Variants in CNTN4 observed in about 807,000 individuals in gnomAD.
The protein encoded by CNTN4 is contactin 4.
CNTN4 carries 77 observed loss-of-function variants against 122.5 expected under a neutral mutation model. The ratio of observed to expected loss-of-function variants is 0.63; its 90% CI spans 0.52 to 0.76. The LOEUF is 0.76. Ranked by LOEUF, CNTN4 falls within the 30% of genes least tolerant of loss-of-function variation. CNTN4 has a pLI of 0.00. For missense variants in CNTN4, 1,256 were observed against 1,259.1 expected, an observed-to-expected ratio of 1.00 and a Z score of 0.04; for synonymous variants, 512 against 447.0, an observed-to-expected ratio of 1.15 and a Z score of -1.83.
intron 6 of CNTN4, among the ~76,000 whole-genome samples, chr3:2,794,901 G>A (rs2092123541): frequency 6.6e-6 from 1 of 152,086 alleles, no homozygotes; most frequent in Non-Finnish European, 1.5e-5. Flanking sequence ...GCCTATTAGG[G>A]GACTAATCCC....
intron 6 of CNTN4, among the ~76,000 whole-genome samples, chr3:2,816,808 A>T (rs144957352): frequency 0.29 from 35,718 of 121,640 alleles, 5,266 homozygotes; most frequent in African/African-American, 0.36. Flanking sequence ...CAACAGAGTG[A>T]GACTCTGTCT....
chr3:2,126,699 A>T (rs1477451783), intron 2 of CNTN4, among the ~76,000 whole-genome samples: 2 of 152,188 alleles, frequency 1.3e-5, no homozygotes, highest in Non-Finnish European at 2.9e-5. Flanking sequence ...GGTGAGGAGA[A>T]TATAACTTCA....
chr3:2,689,646 T>G (rs979088644), intron 4 of CNTN4, among the ~76,000 whole-genome samples: 8 of 152,092 alleles, frequency 5.3e-5, no homozygotes, highest in African/African-American at 1.9e-4. Context: ...AGGAGAGTAG[T>G]GGTTCAGAAG....
intron 2 of CNTN4, among the ~76,000 whole-genome samples, chr3:2,308,993 T>C (rs1482965582): frequency 6.6e-6 from 1 of 152,152 alleles, no homozygotes; most frequent in African/African-American, 2.4e-5. Flanking sequence ...TTTATGGTGT[T>C]AAATCTTCTG....
At chr3:3,024,384 T>TA (rs55892513) in intron 14 of CNTN4, among the ~76,000 whole-genome samples, 7,599 of 89,954 alleles carry the variant, frequency 0.084, 334 homozygotes, top group Middle Eastern at 0.13. Flanking sequence ...TTTTCCTCAT[T>TA]AAAAAAAAAA....
chr3:2,926,118 G>A (rs1233065042), intron 13 of CNTN4, among the ~76,000 whole-genome samples: 1 of 152,048 alleles, frequency 6.6e-6, no homozygotes, highest in African/African-American at 2.4e-5. Flanking sequence ...AAGTCCTTTG[G>A]TATATGTAAA....
rs572941318 is a variant in CNTN4, at chr3:2,607,032, T to A, written c.55+35474T>A. Among the ~76,000 whole-genome samples the A allele has an allele frequency of 3.3e-5, 5 of 152,270 alleles. No individual in the cohort carries two copies. In the East Asian group the frequency reaches 7.7e-4, roughly 24 times the overall value. On this transcript the variant is annotated intron_variant, in intron 4 of 24. Transcript: ENST00000418658. Reference sequence around the variant, plus strand: ...CTTCCACAGTCTCCTATCCCCAGGTTTTTAGGACACATTTAATCTTCTTTC... The same window carrying A: ...CTTCCACAGTCTCCTATCCCCAGGTATTTAGGACACATTTAATCTTCTTTC...
chr3:2,548,195 T>G (rs1575943621), intron 3 of CNTN4, among the ~76,000 whole-genome samples: 1 of 152,134 alleles, frequency 6.6e-6, no homozygotes, highest in African/African-American at 2.4e-5. Flanking sequence ...CCCATTTGTC[T>G]ATTTTGGCTT....
intron 8 of CNTN4, among the ~76,000 whole-genome samples, chr3:2,878,268 T>C (rs1291230086): frequency 1.3e-5 from 2 of 152,230 alleles, no homozygotes; most frequent in Non-Finnish European, 2.9e-5. Context: ...CAGATCATTT[T>C]AGTAAAGAAT....
At chr3:2,531,033 C>G (rs560313073) in intron 3 of CNTN4, among the ~76,000 whole-genome samples, 207 of 152,236 alleles carry the variant, frequency 1.4e-3, no homozygotes, top group African/African-American at 4.8e-3. Flanking sequence ...TATACTATCT[C>G]TACTAACAGA....
chr3:3,000,834 C>G (rs891211630), intron 14 of CNTN4, among the ~76,000 whole-genome samples: 1 of 150,566 alleles, frequency 6.6e-6, no homozygotes, highest in African/African-American at 2.4e-5. Context: ...AGGTTGAATT[C>G]TGTCACACTG....
At chr3:2,373,552 T>G (rs1284408036) in intron 3 of CNTN4, among the ~76,000 whole-genome samples, 1 of 152,234 alleles carries the variant, frequency 6.6e-6, no homozygotes, top group African/African-American at 2.4e-5. Flanking sequence ...AGTTTTTGTC[T>G]ACTCTTCACC....
chr3:3,038,870 A>C, intron 18 of CNTN4, 63 bp from the exon 19 acceptor site: 3 of 1,407,538 alleles, frequency 2.1e-6, no homozygotes, highest in Non-Finnish European at 3.0e-6. Context: ...CTGCCAGGCA[A>C]CCTTCCTGGC....
chr3:2,669,212 A>G (rs1403699111), intron 4 of CNTN4, among the ~76,000 whole-genome samples: 1 of 152,092 alleles, frequency 6.6e-6, no homozygotes, highest in African/African-American at 2.4e-5. Context: ...CTGTGAATCC[A>G]TCTGGTCCTG....
At chr3:2,194,072 C>T (rs999349584) in intron 2 of CNTN4, among the ~76,000 whole-genome samples, 1 of 152,132 alleles carries the variant, frequency 6.6e-6, no homozygotes, top group African/African-American at 2.4e-5. Context: ...AAAAAAATGT[C>T]CCTGTTTAGA....
At chr3:2,488,289 G>T (rs911131939) in intron 3 of CNTN4, among the ~76,000 whole-genome samples, 1 of 152,146 alleles carries the variant, frequency 6.6e-6, no homozygotes, top group Non-Finnish European at 1.5e-5. Context: ...ATAAGTTTGA[G>T]GGGAAAAAAT....
Position 2,962,076 on chromosome 3 carries a change from T to C in CNTN4, c.1359-26269T>C, listed in dbSNP as rs181724261. Among the ~76,000 whole-genome samples, 388 of 152,354 alleles carry C rather than the reference T, an allele frequency of 2.5e-3. 1 individual carries two copies. The highest frequency in any genetic ancestry group is 4.2e-3 in the Non-Finnish European group (287 of 68,030). On this transcript the variant is annotated intron_variant, in intron 13 of 24. Transcript: ENST00000418658. ...GATGTAATTTGAACCCCAAGACTTA[T>C]AGACTCTCTGGACCTCAAAAATTAT...
chr3:2,361,205 A>G (rs750190466), intron 3 of CNTN4, among the ~76,000 whole-genome samples: 4 of 152,166 alleles, frequency 2.6e-5, no homozygotes, highest in Non-Finnish European at 5.9e-5. Flanking sequence ...ACATAAGTTA[A>G]CGTGTGTACC....
intron 13 of CNTN4, among the ~76,000 whole-genome samples, chr3:2,928,717 C>T (rs1376785624): frequency 6.6e-6 from 1 of 152,088 alleles, no homozygotes; most frequent in African/African-American, 2.4e-5. Flanking sequence ...TAATGTTCTG[C>T]CTAGATTCTG....
Sources: gnomAD v4.1 joint callset for allele counts (sites outside exome capture counted in the v4.1 genomes callset) on GRCh38, gnomAD v4.1.1 for gene constraint, MANE v1.5 for transcripts, NCBI Gene and HGNC (gene_info 2026-07-23, HGNC 2026-07-21) for gene names.